FBN2: variants seen among roughly 807,000 people sequenced by gnomAD.
FBN2 encodes the protein fibrillin 2.
A neutral mutation model predicts 355.6 loss-of-function variants in FBN2; 105 were observed. The observed-to-expected ratio is 0.30, with a 90% confidence interval of 0.25 to 0.35. The LOEUF (loss-of-function observed/expected upper bound fraction) is 0.35. Ranked by LOEUF, FBN2 falls within the 10% of genes least tolerant of loss-of-function variation. The pLI, the probability that FBN2 is intolerant of heterozygous loss-of-function variation, is 1.00. For synonymous variants in FBN2, 1,350 were observed against 1,301.2 expected, an observed-to-expected ratio of 1.04 and a Z score of -0.81; for missense variants, 3,280 against 3,758.7, an observed-to-expected ratio of 0.87 and a Z score of 3.33.
intron 19 of FBN2, 35 bp from the exon 20 acceptor site, chr5:128,357,430 G>T (rs1489723268): frequency 1.2e-6 from 2 of 1,612,752 alleles, no homozygotes; most frequent in Admixed American, 3.3e-5. Context: ...TGTTAGAACT[G>T]CCATGTGTTT....
At chr5:128,530,770 T>A in intron 2 of FBN2, 77 bp from the exon 3 acceptor site, 1 of 958,514 alleles carries the variant, frequency 1.0e-6, no homozygotes, top group Non-Finnish European at 1.6e-6. Flanking sequence ...AAGCTGTATT[T>A]AAAAATAAAA....
At chr5:128,303,273 G>A (rs898072773) in intron 45 of FBN2, among the ~76,000 whole-genome samples, 184 bp from the exon 46 acceptor site, 1 of 152,134 alleles carries the variant, frequency 6.6e-6, no homozygotes, top group Admixed American at 6.6e-5. Context: ...AATCAAAATT[G>A]TAAAATTCTA....
At chr5:128,345,906 C>G (rs1380866589) in intron 23 of FBN2, among the ~76,000 whole-genome samples, 1 of 152,188 alleles carries the variant, frequency 6.6e-6, no homozygotes, top group Non-Finnish European at 1.5e-5. Flanking sequence ...AATGATAATT[C>G]TTCCTGTTCA....
Position 128,327,680 on chromosome 5 carries a change from C to G in FBN2, c.4471+1016G>C, listed in dbSNP as rs372156591. ...TTAGACTGAGTTTCGCTCTTGTTGTCCAGTCTGTAGTGCAATGGCGCAATC... is the reference window on the plus strand; with the variant it reads ...TTAGACTGAGTTTCGCTCTTGTTGTGCAGTCTGTAGTGCAATGGCGCAATC... On this transcript the variant is annotated intron_variant, in intron 34 of 64. Transcript: ENST00000262464. 1.3e-5 allele frequency among the ~76,000 whole-genome samples: 2 copies of G among 148,666 alleles called. 1 individual carries two copies. Among genetic ancestry groups the G allele is most frequent in the South Asian group, 4.2e-4 (2 of 4,760 alleles).
At chr5:128,534,520 T>C (rs1026887618) in intron 2 of FBN2, among the ~76,000 whole-genome samples, 4 of 152,244 alleles carry the variant, frequency 2.6e-5, no homozygotes, top group Admixed American at 1.3e-4. Flanking sequence ...TTTTTGTAGA[T>C]ACGTCTTGAC....
intron 5 of FBN2, among the ~76,000 whole-genome samples, chr5:128,485,607 A>G (rs1581338450): frequency 6.6e-6 from 1 of 152,184 alleles, no homozygotes; most frequent in Non-Finnish European, 1.5e-5. Flanking sequence ...AATATAAAAC[A>G]ATGATATATA....
intron 5 of FBN2, among the ~76,000 whole-genome samples, chr5:128,491,519 G>A (rs535957312): frequency 6.6e-6 from 1 of 152,314 alleles, no homozygotes; most frequent in Non-Finnish European, 1.5e-5. Context: ...AAGACTGCCA[G>A]GGCTAGCTTG....
At chr5:128,310,387 T>C (rs1234026027) in intron 39 of FBN2, among the ~76,000 whole-genome samples, 4 of 12,550 alleles carry the variant, frequency 3.2e-4, no homozygotes, top group Non-Finnish European at 6.0e-4. Context: ...TATATATATA[T>C]ATATATATAT....
At chr5:128,484,915 T>G (rs570067640) in intron 5 of FBN2, among the ~76,000 whole-genome samples, 1 of 152,298 alleles carries the variant, frequency 6.6e-6, no homozygotes, top group South Asian at 2.1e-4. Flanking sequence ...GGCATGTGAC[T>G]GGGAGAGCAA....
intron 8 of FBN2, among the ~76,000 whole-genome samples, chr5:128,400,707 T>C (rs1188569640): frequency 2.0e-5 from 3 of 152,124 alleles, no homozygotes; most frequent in African/African-American, 7.2e-5. Flanking sequence ...AAGTTGGAAA[T>C]CAATAACAAA....
intron 5 of FBN2, among the ~76,000 whole-genome samples, chr5:128,477,190 T>C (rs1282215735): frequency 6.6e-6 from 1 of 152,230 alleles, no homozygotes; most frequent in Non-Finnish European, 1.5e-5. Flanking sequence ...CCAGTCACAC[T>C]AGCCACATGT....
intron 8 of FBN2, among the ~76,000 whole-genome samples, chr5:128,407,531 T>C (rs757270940): frequency 2.0e-5 from 3 of 152,212 alleles, no homozygotes. Context: ...GTATGTGTAA[T>C]ATCTTAAATG....
Position 128,345,443 on chromosome 5 carries a change from C to A in FBN2, c.3131G>T (p.Gly1044Val). 6.2e-7 allele frequency: 1 copy of A among 1,614,142 alleles called. No homozygotes were observed. The highest frequency in any genetic ancestry group is 8.5e-7 in the Non-Finnish European group (1 of 1,180,002). The change falls in exon 24 of 65, where the codon GGC becomes GTC. Residue 1044 changes from glycine to valine, a missense_variant. This residue lies in a region of FBN2 where 2,284 missense variants were observed against 2,749.5 expected (regional missense o/e 0.83). Transcript: ENST00000262464. Reference sequence around the variant, plus strand: ...GCACAGCGTCTCGTATTCCTTGGTGCCAGGTTTGGGGCACTCCTCACACTC... The same window carrying A: ...GCACAGCGTCTCGTATTCCTTGGTGACAGGTTTGGGGCACTCCTCACACTC... ...GTECEECPKP[G>V]TKEYETLCPR... is the part of the protein sequence containing the mutation.
At chr5:128,314,370 A>G (rs1357381006) in intron 36 of FBN2, among the ~76,000 whole-genome samples, 1 of 152,054 alleles carries the variant, frequency 6.6e-6, no homozygotes, top group East Asian at 1.9e-4. Context: ...TCTGTTGCCA[A>G]GCTGGAGTAC....
intron 62 of FBN2, among the ~76,000 whole-genome samples, chr5:128,269,458 CAA>C (rs796886141): frequency 7.2e-6 from 1 of 138,206 alleles, no homozygotes; most frequent in African/African-American, 2.7e-5. Context: ...GACTCCACCC[CAA>C]AAAAAAAACA....
chr5:128,385,181 T>C (rs559676463), intron 11 of FBN2, among the ~76,000 whole-genome samples: 4 of 152,236 alleles, frequency 2.6e-5, no homozygotes, highest in African/African-American at 7.2e-5. Flanking sequence ...TAGTGCCTGA[T>C]AGGTAGCTTT....
chr5:128,309,143 C>A (rs1275423997), intron 41 of FBN2, 104 bp downstream of exon 41: 1 of 1,262,246 alleles, frequency 7.9e-7, no homozygotes, highest in Non-Finnish European at 1.1e-6. Flanking sequence ...ATTTTTGGAA[C>A]TGAGCATCTC....
intron 32 of FBN2, 38 bp from the exon 33 acceptor site, chr5:128,330,733 G>A: frequency 6.2e-7 from 1 of 1,609,874 alleles, no homozygotes; most frequent in Middle Eastern, 1.7e-4. Flanking sequence ...AATGAAAATG[G>A]AACATTTAAG....
chr5:128,440,266 G>C (rs191875210), intron 7 of FBN2, among the ~76,000 whole-genome samples: 2 of 152,098 alleles, frequency 1.3e-5, no homozygotes, highest in Admixed American at 1.3e-4. Context: ...ACTGACTCCT[G>C]TATTAATCCA....
Sources: gnomAD v4.1 joint callset for allele counts (sites outside exome capture counted in the v4.1 genomes callset) on GRCh38, gnomAD v4.1.1 for gene constraint, gnomAD v4.1.1 regional missense constraint, MANE v1.5 for transcripts, NCBI Gene and HGNC (gene_info 2026-07-23, HGNC 2026-07-21) for gene names.